Variants in ANO4 observed in about 807,000 individuals in gnomAD.
The protein encoded by ANO4 is anoctamin 4.
A neutral mutation model predicts 141.9 loss-of-function variants in ANO4; 69 were observed. The ratio of observed to expected loss-of-function variants is 0.49; its 90% CI spans 0.40 to 0.59. ANO4 has a LOEUF of 0.59. Ranked by LOEUF, ANO4 falls within the 20% of genes least tolerant of loss-of-function variation. The probability of loss-of-function intolerance (pLI) is 0.00; values close to 1 mark genes in which losing one functional copy is unlikely to be tolerated. For synonymous variants in ANO4, 350 were observed against 394.3 expected (o/e 0.89, Z 1.33); for missense variants, 894 against 1,162.2 (o/e 0.77, Z 3.36).
At chr12:101,045,990 G>T (rs1320766444) in intron 13 of ANO4, among the ~76,000 whole-genome samples, 1 of 152,166 alleles carries the variant, frequency 6.6e-6, no homozygotes, top group Admixed American at 6.5e-5. Context: ...CATTATTTTG[G>T]CCTGTTGGGT....
chr12:101,066,727 C>T (rs975164405), intron 14 of ANO4: 42 of 792,794 alleles, frequency 5.3e-5, no homozygotes, highest in Middle Eastern at 3.5e-4. Context: ...TTGAGTCCTG[C>T]GTTGCCATGG....
chr12:101,107,292 C>A (rs1280203292), intron 22 of ANO4, among the ~76,000 whole-genome samples: 4 of 152,134 alleles, frequency 2.6e-5, no homozygotes, highest in African/African-American at 9.7e-5. Context: ...CCTTCCCATA[C>A]ACAAAACCCC....
Position 100,987,641 on chromosome 12 carries a change from T to A in ANO4, c.705T>A (p.Thr235=), listed in dbSNP as rs755107133. 3.1e-6 allele frequency: 5 copies of A among 1,614,068 alleles called. No individual in the cohort carries two copies. Among genetic ancestry groups the A allele is most frequent in the Non-Finnish European group, 3.4e-6 (4 of 1,179,978 alleles). Residue 235 remains threonine (T), a synonymous_variant, in exon 8 of 28, where the codon ACT becomes ACA. Coordinates refer to ENST00000392977, the MANE Select transcript of ANO4 (RefSeq NM_001286615.2). ...ACCTGGAGGAGAATGACTGCTACAC[T>A]GCCCCTTTCAGCCAGCAAAGGATCC... The part of the protein sequence containing the change: ...LPDLEENDCY[T]APFSQQRIHH...
intron 4 of ANO4, 44 bp from the exon 5 acceptor site, chr12:100,942,333 A>G (rs1404570443): frequency 6.3e-7 from 1 of 1,584,434 alleles, no homozygotes; most frequent in Non-Finnish European, 8.6e-7. Context: ...TTGAACCTCA[A>G]TTTGATGAAT....
upstream of ANO4, among the ~76,000 whole-genome samples, chr12:100,793,653 T>C (rs1372816112): frequency 6.6e-6 from 1 of 152,188 alleles, no homozygotes; most frequent in African/African-American, 2.4e-5. Context: ...TTATCTTTTC[T>C]GCAGTGATAA....
At chr12:100,987,204 T>C (rs2044744904) in intron 7 of ANO4, 2 of 206,214 alleles carry the variant, frequency 9.7e-6, no homozygotes, top group Non-Finnish European at 2.0e-5. Context: ...AGTTAAGATC[T>C]CTGCTGCTTG....
At chr12:100,932,490 C>A (rs2042122715) in intron 3 of ANO4, among the ~76,000 whole-genome samples, 1 of 151,920 alleles carries the variant, frequency 6.6e-6, no homozygotes, top group Non-Finnish European at 1.5e-5. Context: ...GAACAAATGG[C>A]AGAAAATAAT....
At chr12:101,093,662 C>A in intron 17 of ANO4, among the ~76,000 whole-genome samples, 1 of 152,056 alleles carries the variant, frequency 6.6e-6, no homozygotes, top group East Asian at 1.9e-4. Context: ...CACATGCATA[C>A]ATGTACCCCA....
chr12:101,065,358 T>C (rs2048537082), intron 14 of ANO4, among the ~76,000 whole-genome samples: 1 of 152,112 alleles, frequency 6.6e-6, no homozygotes, highest in African/African-American at 2.4e-5. Context: ...TTAATTATAG[T>C]GTTATCTAAA....
intron 3 of ANO4, among the ~76,000 whole-genome samples, chr12:100,769,032 T>C (rs1434429701): frequency 6.6e-6 from 1 of 152,216 alleles, no homozygotes; most frequent in African/African-American, 2.4e-5. Context: ...ATGTGTCAAG[T>C]AGCTTCTCTG....
chr12:100,718,678 C>G (rs1041073440), intron 1 of ANO4, among the ~76,000 whole-genome samples: 6 of 152,174 alleles, frequency 3.9e-5, no homozygotes, highest in African/African-American at 1.4e-4. Flanking sequence ...AAATTGTGAG[C>G]AGATTACAAA....
In ANO4 at chr12:100,958,852, AAC is replaced by A. The variant is rs2043283550; in HGVS notation, c.457-12452_457-12451del. On this transcript the variant is annotated intron_variant, in intron 5 of 27. Transcript: ENST00000392977. ...AACAAGTGAGAACCTGTCTCAAAAA[AAC>A]AAACAAACAAACAAAAAAGAAGGTG... is the stretch of plus-strand genomic sequence containing the variant. 5.2e-5 allele frequency among the ~76,000 whole-genome samples: 7 copies of A among 135,312 alleles called. No individual in the cohort carries two copies. The South Asian group carries it at 1.7e-3, about 32-fold the overall frequency. 88.8% of individuals were successfully genotyped at this position (135,312 alleles called of 152,430 possible). A position where few individuals can be genotyped will look rare whatever the true frequency, so the allele number is the denominator to read the frequency against.
rs757668505 is a variant in ANO4, at chr12:101,020,129, A to T, written c.830A>T (p.Lys277Ile). ...CAAAGAATAAAATATGAAGAAGGAA[A>T]AAACAAGATTGGTAAGTAGTATGTT... is the stretch of plus-strand genomic sequence containing the variant. The part of the protein sequence containing the change: ...ILQRIKYEEG[K>I]NKIGLNRLLT... Residue 277 changes from lysine to isoleucine, a missense_variant, in exon 9 of 28, where the codon AAA becomes ATA. Transcript: ENST00000392977. 5 of 1,603,776 alleles carry T rather than the reference A, an allele frequency of 3.1e-6. No homozygotes were observed. In the South Asian group the frequency reaches 5.5e-5, roughly 18 times the overall value.
chr12:100,739,998 G>T (rs188103003), exon 3 of ANO4: 14 of 702,270 alleles, frequency 2.0e-5, no homozygotes, highest in Admixed American at 6.0e-5. Flanking sequence ...TCCTTCACCC[G>T]CAAGACTGAC....
At chr12:100,894,965 CAAA>C (rs764468746) in intron 1 of ANO4, among the ~76,000 whole-genome samples, 4 of 102,594 alleles carry the variant, frequency 3.9e-5, no homozygotes, top group Non-Finnish European at 6.1e-5. Flanking sequence ...GACTCCATCT[CAAA>C]AAAAAAAAAA....
At chr12:100,977,206 G>A (rs1441381771) in intron 7 of ANO4, among the ~76,000 whole-genome samples, 1 of 152,118 alleles carries the variant, frequency 6.6e-6, no homozygotes, top group Non-Finnish European at 1.5e-5. Context: ...TGTCTTTGCA[G>A]AAGGGTATCC....
At chr12:100,736,029 A>G (rs867002676) in intron 2 of ANO4, among the ~76,000 whole-genome samples, 26 of 152,154 alleles carry the variant, frequency 1.7e-4, no homozygotes, top group African/African-American at 5.3e-4. Flanking sequence ...TGACAGAGGT[A>G]GGAGAACCAA....
chr12:100,918,637 C>T (rs572123942), intron 2 of ANO4, among the ~76,000 whole-genome samples: 21 of 152,266 alleles, frequency 1.4e-4, no homozygotes, highest in African/African-American at 4.8e-4. Context: ...ACATTACTCA[C>T]GTGTTTGTGG....
At chr12:100,829,461 G>C (rs1326214783) in intron 1 of ANO4, among the ~76,000 whole-genome samples, 1 of 152,012 alleles carries the variant, frequency 6.6e-6, no homozygotes, top group Non-Finnish European at 1.5e-5. Context: ...TTTTAACCTA[G>C]CTGTTAGATG....
Sources: allele counts gnomAD v4.1 joint callset (sites outside exome capture counted in the v4.1 genomes callset), GRCh38; gene constraint gnomAD v4.1.1; transcripts MANE v1.5; gene names NCBI Gene and HGNC (gene_info 2026-07-23, HGNC 2026-07-21).